The following MAST1 variants were observed in gnomAD, a reference collection of about 807,000 sequenced individuals.
MAST1 encodes microtubule associated serine/threonine kinase 1.
Under a neutral mutation model 124.6 loss-of-function variants are expected in MAST1, and 40 were observed. The observed-to-expected ratio is 0.32, with a 90% CI of 0.25 to 0.42. MAST1 has a LOEUF of 0.42. MAST1 is among the 10% of genes least tolerant of loss of function. MAST1 has a pLI of 1.00. For missense variants in MAST1, 1,558 were observed against 2,181.9 expected (o/e 0.71, Z 5.70); for synonymous variants, 938 against 939.4 (o/e 1.00, Z 0.03).
chr19:12,841,687 C>G lies in MAST1; in HGVS notation c.248+621C>G, dbSNP rs1161463719. Among the ~76,000 whole-genome samples, 1 of 152,130 alleles carries G rather than the reference C, an allele frequency of 6.6e-6. No individual in the cohort carries two copies. Among genetic ancestry groups the G allele is most frequent in the Non-Finnish European group, 1.5e-5 (1 of 68,018 alleles). On this transcript the variant is annotated intron_variant, in intron 3 of 25. Transcript: ENST00000251472. This position sits in a 1 kb window ranked among gnomAD's most constrained non-coding sequence, Gnocchi z 4.3. The stretch of plus-strand genomic sequence containing the variant: ...TCTAAAAATGGTGTCTAAACACCTG[C>G]TATGTTCTTAGGAGCTGGGCGTATG...
Position 12,840,432 on chromosome 19 carries a change from T to G in MAST1, c.84-14T>G. On this transcript the variant is annotated splice_polypyrimidine_tract_variant and intron_variant, in intron 1 of 25. Transcript: ENST00000251472. ...GCGGCCCGGCCCGGCCCCCCTGCCTTACCTTCCCCGCAGCTGCCGCACCAG... is the reference window on the plus strand; with the variant it reads ...GCGGCCCGGCCCGGCCCCCCTGCCTGACCTTCCCCGCAGCTGCCGCACCAG... 2 of 1,601,006 alleles carry G rather than the reference T, an allele frequency of 1.2e-6. No individual in the cohort carries two copies. The highest frequency in any genetic ancestry group is 1.7e-6 in the Non-Finnish European group (2 of 1,169,362).
At chr19:12,840,343 A>G in intron 1 of MAST1, 103 bp from the exon 2 acceptor site, 1 of 747,588 alleles carries the variant, frequency 1.3e-6, no homozygotes, top group Non-Finnish European at 2.3e-6. Context: ...ACACACATGG[A>G]TGGGAGATAG....
At position 12,866,181 on chromosome 19, in the gene MAST1, G is replaced by C; in HGVS notation, c.2029+79G>C. On this transcript the variant is annotated intron_variant, in intron 17 of 25. Coordinates refer to ENST00000251472, the MANE Select transcript of MAST1 (RefSeq NM_014975.3). The surrounding 1 kb of genome is among the most constrained non-coding windows in gnomAD (Gnocchi z 5.2). ...GGACCCTGGGGTAAGTAAAGCCTGG[G>C]ATAGGGCCTGGCTAAGTACCAAGAT... 1 of 1,379,548 alleles carries C rather than the reference G, an allele frequency of 7.2e-7. No homozygotes were observed. The highest frequency in any genetic ancestry group is 9.6e-7 in the Non-Finnish European group (1 of 1,037,422). 85.5% of individuals were successfully genotyped at this position (1,379,548 alleles called of 1,614,324 possible).
intron 4 of MAST1, among the ~76,000 whole-genome samples, chr19:12,846,065 T>C (rs1969891243): frequency 6.6e-6 from 1 of 151,884 alleles, no homozygotes; most frequent in Non-Finnish European, 1.5e-5. Flanking sequence ...AAAAAAGAAT[T>C]AGCCAAGCAT....
rs768100891 is a variant in MAST1, at chr19:12,847,269, C to T, written c.328-21C>T. On this transcript the variant is annotated intron_variant, in intron 4 of 25. Transcript: ENST00000251472. The surrounding 1 kb of genome is among the most constrained non-coding windows in gnomAD (Gnocchi z 5.5). Reference sequence around the variant, plus strand: ...GGGGGGCCCATGGTGGCTCTGACCCCGGCCCTGCCCCTGTCCCCAGTCCTC... The same window carrying T: ...GGGGGGCCCATGGTGGCTCTGACCCTGGCCCTGCCCCTGTCCCCAGTCCTC... 3.2e-6 allele frequency: 5 copies of T among 1,582,266 alleles called. No homozygotes were observed. The highest frequency in any genetic ancestry group is 2.7e-5 in the African/African-American group (2 of 74,234).
Position 12,874,520 on chromosome 19 carries a change from G to A in MAST1, c.4363G>A (p.Ala1455Thr), listed in dbSNP as rs1247588200. ...GGCTGTGGTGCCTCAGCCTCTGGGC[G>A]CGGACTCCAAGGGGTTGCAGGAACC... is the stretch of plus-strand genomic sequence containing the variant. Reference protein sequence around the residue: ...AKAVVPQPLGADSKGLQEPAP... With the variant: ...AKAVVPQPLGTDSKGLQEPAP... The change falls in exon 26 of 26, where the codon GCG (alanine) becomes ACG (threonine). Residue 1455 changes from alanine (A) to threonine (T), a missense_variant. Physicochemically the swap from Ala to Thr is moderately conservative, Grantham distance 58 (BLOSUM62 0). Coordinates refer to ENST00000251472, the MANE Select transcript of MAST1 (RefSeq NM_014975.3). The surrounding 1 kb of genome is among the most constrained non-coding windows in gnomAD (Gnocchi z 6.6). 2.6e-6 allele frequency: 4 copies of A among 1,535,962 alleles called. No individual in the cohort carries two copies. The highest frequency in any genetic ancestry group is 1.2e-5 in the South Asian group (1 of 81,700).
intron 3 of MAST1, among the ~76,000 whole-genome samples, chr19:12,842,493 A>C (rs1431848689): frequency 6.6e-6 from 1 of 152,104 alleles, no homozygotes; most frequent in African/African-American, 2.4e-5. Flanking sequence ...GGGTTTCACC[A>C]GGTTGGTCAT....
intron 12 of MAST1, among the ~76,000 whole-genome samples, chr19:12,862,558 T>TA (rs1970097152): frequency 6.6e-6 from 1 of 152,108 alleles, no homozygotes; most frequent in Admixed American, 6.6e-5. Context: ...TCCCAGCACT[T>TA]ACAGTGGGAG....
rs548656373 is a variant in MAST1, at chr19:12,872,610, T to C, written c.3264-714T>C. On this transcript the variant is annotated intron_variant, in intron 24 of 25. Coordinates refer to ENST00000251472, the MANE Select transcript of MAST1 (RefSeq NM_014975.3). ...GGGCAGGACTAGAAGAGGTTGTTTT[T>C]GGCCGGGCGAGGTGGTTCACACCTG... 4 of 152,518 alleles carry C rather than the reference T, an allele frequency of 2.6e-5. No homozygotes were observed. In the East Asian group the frequency reaches 7.7e-4, roughly 30 times the overall value. The allele number at this position is 152,518 out of a possible 1,614,324, so 9.4% of individuals were successfully genotyped here.
rs760953266 is a variant in MAST1, at chr19:12,865,495, C to T, written c.1804+14C>T. 20 of 1,567,540 alleles carry T rather than the reference C, an allele frequency of 1.3e-5. No homozygotes were observed. Among genetic ancestry groups the T allele is most frequent in the Non-Finnish European group, 1.6e-5 (19 of 1,157,558 alleles). ...AGGTCATCAGTGGTACGTGGCTTGG[C>T]AGTGTACAGGGGCAGAGTGTGGTGT... On this transcript the variant is annotated intron_variant, in intron 15 of 25. Transcript: ENST00000251472. The surrounding 1 kb of genome is among the most constrained non-coding windows in gnomAD (Gnocchi z 7.1).
chr19:12,866,275 G>T lies in MAST1; in HGVS notation c.2029+173G>T, dbSNP rs1330390023. Reference sequence around the variant, plus strand: ...CAAGTGGGGCGGGGCTGACATACAGGCGGGGCTCAGGCTGAAATGTAGGTA... The same window carrying T: ...CAAGTGGGGCGGGGCTGACATACAGTCGGGGCTCAGGCTGAAATGTAGGTA... On this transcript the variant is annotated intron_variant, in intron 17 of 25. Transcript: ENST00000251472. The surrounding 1 kb of genome is among the most constrained non-coding windows in gnomAD (Gnocchi z 5.2). Among the ~76,000 whole-genome samples, 1 of 152,164 alleles carries T rather than the reference G, an allele frequency of 6.6e-6. No homozygotes were observed. Among genetic ancestry groups the T allele is most frequent in the African/African-American group, 2.4e-5 (1 of 41,434 alleles).
In MAST1 at chr19:12,852,126, CGAG is replaced by C. The variant is rs1568409573; in HGVS notation, c.892_894del (p.Glu298del). ...CTGCCCTGCCTCAGGAATTCAACCC[CGAG>C]GAGTTCTACCACCTGCTGGAGGCGG... On this transcript the variant is annotated inframe_deletion, in exon 9 of 26. Transcript: ENST00000251472. 3.1e-6 allele frequency: 5 copies of C among 1,613,712 alleles called. No homozygotes were observed. The highest frequency in any genetic ancestry group is 4.2e-6 in the Non-Finnish European group (5 of 1,179,908).
At chr19:12,858,116 C>G (rs1970038629) in intron 10 of MAST1, among the ~76,000 whole-genome samples, 2 of 144,794 alleles carry the variant, frequency 1.4e-5, no homozygotes, top group East Asian at 2.1e-4. Flanking sequence ...TTTGGGAACT[C>G]TTTATATATT....
rs549839368 is a variant in MAST1, at chr19:12,840,285, G to A, written c.84-161G>A. Among the ~76,000 whole-genome samples the A allele has an allele frequency of 5.9e-5, 9 of 152,302 alleles. No individual in the cohort carries two copies. In the South Asian group the frequency reaches 1.0e-3, roughly 18 times the overall value. On this transcript the variant is annotated intron_variant, in intron 1 of 25. Coordinates refer to ENST00000251472, the MANE Select transcript of MAST1 (RefSeq NM_014975.3). The stretch of plus-strand genomic sequence containing the variant: ...ATCCCCTGCCGTACACAGTCCTGCC[G>A]AGGCCTGCACCACCTTTCTTCGAGA...
intron 3 of MAST1, among the ~76,000 whole-genome samples, chr19:12,842,980 G>C (rs1599576001): frequency 6.6e-6 from 1 of 152,174 alleles, no homozygotes; most frequent in Non-Finnish European, 1.5e-5. Flanking sequence ...TCATGTGTGA[G>C]TGTGTGTCTT....
In MAST1 at chr19:12,841,041, C is replaced by A; in HGVS notation, c.223C>A (p.His75Asn). 6.5e-7 allele frequency: 1 copy of A among 1,543,996 alleles called. No individual in the cohort carries two copies. Among genetic ancestry groups the A allele is most frequent in the Non-Finnish European group, 9.0e-7 (1 of 1,115,670 alleles). ...AAACTTCTCCCCCAACACCCCCGCC[C>A]ACTTCTCGTTTGCCTCCTCCCGAAG... ...PRNFSPNTPA[H>N]FSFASSRRAD... Residue 75 changes from histidine to asparagine, a missense_variant, in exon 3 of 26, where the codon CAC (histidine) becomes AAC (asparagine). His to Asn is a moderately conservative substitution (Grantham distance 68). This residue lies in a region of MAST1 where 57 missense variants were observed against 35.3 expected (regional missense o/e 1.62). Coordinates refer to ENST00000251472, the MANE Select transcript of MAST1 (RefSeq NM_014975.3). The surrounding 1 kb of genome is among the most constrained non-coding windows in gnomAD (Gnocchi z 4.3).
In MAST1 at chr19:12,873,769, A is replaced by G. The variant is rs371227887; in HGVS notation, c.3612A>G (p.Leu1204=). 11 of 1,600,284 alleles carry G rather than the reference A, an allele frequency of 6.9e-6. No individual in the cohort carries two copies. Among genetic ancestry groups the G allele is most frequent in the African/African-American group, 1.3e-5 (1 of 74,862 alleles). Residue 1204 remains leucine (L), a synonymous_variant, in exon 26 of 26, where the codon CTA becomes CTG. Coordinates refer to ENST00000251472, the MANE Select transcript of MAST1 (RefSeq NM_014975.3). ...ARCKSAGNIP[L]SPLAHTPSPT... ...GCAAGTCGGCCGGCAACATCCCTCT[A>G]TCGCCGCTGGCACACACGCCGTCCC...
intron 22 of MAST1, 27 bp from the exon 23 acceptor site, chr19:12,870,797 T>C (rs1259788699): frequency 6.3e-7 from 1 of 1,575,258 alleles, no homozygotes; most frequent in Non-Finnish European, 8.6e-7. Flanking sequence ...CCACTAACCC[T>C]GTCCCTATGG....
At chr19:12,872,493 G>A (rs1354598265) in intron 24 of MAST1, among the ~76,000 whole-genome samples, 1 of 152,144 alleles carries the variant, frequency 6.6e-6, no homozygotes, top group Non-Finnish European at 1.5e-5. Context: ...AGGACCTGAA[G>A]TGGGAGGAGG....
Sources: allele counts gnomAD v4.1 joint callset (sites outside exome capture counted in the v4.1 genomes callset), GRCh38; gene constraint gnomAD v4.1.1; regional missense constraint gnomAD v4.1.1; non-coding constraint Gnocchi (gnomAD v3.1); transcripts MANE v1.5; gene names NCBI Gene and HGNC (gene_info 2026-07-23, HGNC 2026-07-21).